Variants in INPP4B observed in about 807,000 individuals in gnomAD.
INPP4B encodes inositol polyphosphate-4-phosphatase type II B.
INPP4B carries 55 observed loss-of-function variants against 122.5 expected under a neutral mutation model. The observed-to-expected ratio is 0.45, with a 90% CI of 0.36 to 0.56. The LOEUF (loss-of-function observed/expected upper bound fraction) is 0.56, where lower values mean the gene tolerates loss of function less well. Ranked by LOEUF, INPP4B falls within the 20% of genes least tolerant of loss-of-function variation. INPP4B has a pLI of 0.00. For synonymous variants in INPP4B, 403 were observed against 388.7 expected (o/e 1.04, Z -0.43); for missense variants, 1,000 against 1,097.7 (o/e 0.91, Z 1.26).
At chr4:142,373,801 T>C (rs1193873455) in intron 7 of INPP4B, among the ~76,000 whole-genome samples, 4 of 152,156 alleles carry the variant, frequency 2.6e-5, no homozygotes, top group Non-Finnish European at 5.9e-5. Flanking sequence ...TCTTTGGCTA[T>C]ATTCCCAGTT....
chr4:142,327,227 TA>T (rs1490217484), intron 7 of INPP4B, among the ~76,000 whole-genome samples: 4 of 152,136 alleles, frequency 2.6e-5, no homozygotes, highest in Non-Finnish European at 5.9e-5. Flanking sequence ...ACACGTCTAT[TA>T]ATCTGTTGCT....
intron 2 of INPP4B, among the ~76,000 whole-genome samples, chr4:142,499,745 A>G (rs980280824): frequency 6.6e-6 from 1 of 152,184 alleles, no homozygotes; most frequent in African/African-American, 2.4e-5. Flanking sequence ...TACTAATTCA[A>G]TAATCCTCCA....
chr4:142,280,568 A>G (rs772063317), intron 9 of INPP4B, among the ~76,000 whole-genome samples: 9 of 151,932 alleles, frequency 5.9e-5, no homozygotes, highest in Non-Finnish European at 1.2e-4. Flanking sequence ...GTGGTAATGG[A>G]AAAGTTCTGT....
Position 142,677,568 on chromosome 4 carries a change from A to G in INPP4B, c.-191+48271T>C, listed in dbSNP as rs143053685. Among the ~76,000 whole-genome samples the G allele has an allele frequency of 2.6e-3, 399 of 152,298 alleles. 7 individuals carry two copies. Among genetic ancestry groups the G allele is most frequent in the East Asian group, 0.018 (94 of 5,178 alleles). On this transcript the variant is annotated intron_variant, in intron 2 of 25. Coordinates refer to ENST00000262992, the MANE Select transcript of INPP4B (RefSeq NM_001101669.3). ...GCATGTTTATTGTGGCACTGTTCAC[A>G]ATAGCAAAGACTTGGAACCAACCCA...
At chr4:142,300,646 T>A (rs886779151) in intron 9 of INPP4B, among the ~76,000 whole-genome samples, 1 of 152,122 alleles carries the variant, frequency 6.6e-6, no homozygotes, top group African/African-American at 2.4e-5. Context: ...CATGTACATA[T>A]GCATGCATAG....
At chr4:142,389,065 C>CA (rs1796844318) in intron 7 of INPP4B, among the ~76,000 whole-genome samples, 1 of 152,092 alleles carries the variant, frequency 6.6e-6, no homozygotes, top group African/African-American at 2.4e-5. Context: ...GCCTGGTCAA[C>CA]ATGGTGAAAC....
chr4:142,394,822 T>C (rs1029838017), intron 7 of INPP4B, among the ~76,000 whole-genome samples: 101 of 152,224 alleles, frequency 6.6e-4, no homozygotes, highest in African/African-American at 2.1e-3. Flanking sequence ...GCAATCTCAT[T>C]TGTTTATTTT....
chr4:142,750,694 A>C (rs541413574), intron 1 of INPP4B, among the ~76,000 whole-genome samples: 1 of 152,216 alleles, frequency 6.6e-6, no homozygotes, highest in East Asian at 1.9e-4. Flanking sequence ...CAGAGGAAAG[A>C]TTGAGGGGTC....
At chr4:142,709,641 G>C (rs1358793090) in intron 2 of INPP4B, among the ~76,000 whole-genome samples, 1 of 152,112 alleles carries the variant, frequency 6.6e-6, no homozygotes, top group Admixed American at 6.5e-5. Flanking sequence ...AGTTTCCTGA[G>C]GCCTCCCTGG....
chr4:142,714,361 C>A (rs1763500072), intron 2 of INPP4B, among the ~76,000 whole-genome samples: 4 of 152,198 alleles, frequency 2.6e-5, no homozygotes, highest in African/African-American at 9.6e-5. Flanking sequence ...TCTGCACTTT[C>A]CTCACACGTT....
At chr4:142,579,857 GGATAGATAGATAGATAGGTAGGTA>G (rs1268642621) in intron 2 of INPP4B, among the ~76,000 whole-genome samples, 15 of 130,648 alleles carry the variant, frequency 1.1e-4, no homozygotes, top group African/African-American at 2.1e-4. Context: ...TTGGATGAAT[GGATAGATAGATAGATAGGTAGGTA>G]GATAGATAGA....
intron 15 of INPP4B, among the ~76,000 whole-genome samples, chr4:142,185,085 T>G (rs554315969): frequency 1.4e-4 from 21 of 152,188 alleles, no homozygotes; most frequent in African/African-American, 5.1e-4. Context: ...ACAGTGGTTC[T>G]ATGTGCTAGG....
In INPP4B at chr4:142,099,378, CAT is replaced by C. The variant is rs576082966; in HGVS notation, c.2374+8713_2374+8714del. On this transcript the variant is annotated intron_variant, in intron 23 of 25. Transcript: ENST00000262992. ...AGCCATCTCGATGTTTCCAAATATACATATGTTTTAAATAAAATATGCAAAAT... is the reference window on the plus strand; with the variant it reads ...AGCCATCTCGATGTTTCCAAATATACATGTTTTAAATAAAATATGCAAAAT... Among the ~76,000 whole-genome samples, 12 of 152,168 alleles carry C rather than the reference CAT, an allele frequency of 7.9e-5. No homozygotes were observed. The South Asian group carries it at 2.1e-3, about 26-fold the overall frequency.
chr4:142,810,169 CA>C (rs201292060), intron 1 of INPP4B, among the ~76,000 whole-genome samples: 280 of 103,816 alleles, frequency 2.7e-3, no homozygotes, highest in East Asian at 3.9e-3. Context: ...GACTCCATCT[CA>C]AAAAAAAAAA....
At chr4:142,204,551 G>A (rs574748740) in intron 14 of INPP4B, among the ~76,000 whole-genome samples, 14 of 151,896 alleles carry the variant, frequency 9.2e-5, no homozygotes, top group Admixed American at 2.0e-4. Flanking sequence ...CTTGTACCTC[G>A]CAAGAAAGAT....
At chr4:142,199,197 G>A (rs1200181574) in intron 14 of INPP4B, among the ~76,000 whole-genome samples, 2 of 151,698 alleles carry the variant, frequency 1.3e-5, no homozygotes, top group African/African-American at 2.4e-5. Flanking sequence ...CAACAATGTC[G>A]ATAAAAAAAT....
At chr4:142,502,334 A>G (rs1194330892) in intron 2 of INPP4B, among the ~76,000 whole-genome samples, 3 of 152,162 alleles carry the variant, frequency 2.0e-5, no homozygotes, top group African/African-American at 7.2e-5. Context: ...CTTAGCCTTG[A>G]AAGCCAGAAA....
chr4:142,107,986 C>CT (rs1788005401), intron 23 of INPP4B, 107 bp downstream of exon 23: 1 of 621,636 alleles, frequency 1.6e-6, no homozygotes, highest in Non-Finnish European at 2.8e-6. Context: ...ATCACTCTCA[C>CT]ATCCCTACCC....
intron 15 of INPP4B, among the ~76,000 whole-genome samples, chr4:142,182,998 T>C (rs1831564767): frequency 6.6e-6 from 1 of 152,212 alleles, no homozygotes; most frequent in African/African-American, 2.4e-5. Context: ...TAGGGTGAAC[T>C]GCCAGGAGCT....
Sources: gnomAD v4.1 joint callset for allele counts (sites outside exome capture counted in the v4.1 genomes callset) on GRCh38, gnomAD v4.1.1 for gene constraint, MANE v1.5 for transcripts, NCBI Gene and HGNC (gene_info 2026-07-23, HGNC 2026-07-21) for gene names.